The following ITSN2 variants were observed in gnomAD, a reference collection of about 807,000 sequenced individuals.
ITSN2 encodes the protein intersectin-2.
In ITSN2, 156 loss-of-function variants were observed where a neutral mutation model predicts 243.7. That is an observed-to-expected ratio of 0.64 (90% CI 0.56 to 0.73). ITSN2 has a LOEUF of 0.73. Ranked by LOEUF, ITSN2 falls within the 30% of genes least tolerant of loss-of-function variation. The pLI is 0.00. For synonymous variants in ITSN2, 703 were observed against 699.9 expected, an observed-to-expected ratio of 1.00 and a Z score of -0.07; for missense variants, 1,801 against 1,996.1, an observed-to-expected ratio of 0.90 and a Z score of 1.86.
At chr2:24,218,281 C>T (rs1670151534) in intron 30 of ITSN2, among the ~76,000 whole-genome samples, 1 of 152,156 alleles carries the variant, frequency 6.6e-6, no homozygotes, top group Non-Finnish European at 1.5e-5. Flanking sequence ...AGATTTCTCT[C>T]TTAGGGATGT....
chr2:24,282,963 C>T lies in ITSN2; in HGVS notation c.1944+1800G>A, dbSNP rs558689284. 3.0e-4 allele frequency among the ~76,000 whole-genome samples: 45 copies of T among 151,924 alleles called. No individual in the cohort carries two copies. In the Middle Eastern group the frequency reaches 0.017, roughly 57 times the overall value. ...ACAATCTCAATCTTTCTCTCTTTCC[C>T]CCTGCCTCCTCCTTTCTTTTCTCTT... On this transcript the variant is annotated intron_variant, in intron 17 of 39. Coordinates refer to ENST00000355123, the MANE Select transcript of ITSN2 (RefSeq NM_006277.3).
intron 1 of ITSN2, 123 bp from the exon 2 acceptor site, chr2:24,328,238 G>GA: frequency 1.6e-6 from 1 of 635,112 alleles, no homozygotes; most frequent in Non-Finnish European, 2.7e-6. Flanking sequence ...AAACAATGCA[G>GA]AGCTTCTGCT....
rs553371587 is a variant in ITSN2, at chr2:24,329,428, TTTTG to T, written c.-33-1317_-33-1314del. On this transcript the variant is annotated intron_variant, in intron 1 of 39. Transcript: ENST00000355123. ...GCGCACATCACCATGCCCGGCTAAT[TTTTG>T]TTTGTTTGTTTGTTTGTTTTAGTAG... is the stretch of plus-strand genomic sequence containing the variant. Among the ~76,000 whole-genome samples the T allele has an allele frequency of 2.6e-5, 4 of 152,108 alleles. No individual in the cohort carries two copies. In the East Asian group the frequency reaches 5.8e-4, roughly 22 times the overall value.
At chr2:24,333,246 T>A (rs1262724322) in intron 1 of ITSN2, among the ~76,000 whole-genome samples, 6 of 152,194 alleles carry the variant, frequency 3.9e-5, no homozygotes, top group Non-Finnish European at 8.8e-5. Flanking sequence ...GCAGGAGAAC[T>A]TACTGTTAGC....
chr2:24,248,252 G>T (rs1673656296), intron 27 of ITSN2, among the ~76,000 whole-genome samples: 1 of 152,090 alleles, frequency 6.6e-6, no homozygotes, highest in Admixed American at 6.6e-5. Flanking sequence ...CCAATTAGTA[G>T]TATTTTCTCA....
In ITSN2 at chr2:24,209,241, AAC is replaced by A. The variant is rs750899348; in HGVS notation, c.4474-22_4474-21del. Reference sequence around the variant, plus strand: ...AATGGGCTGAAAGAATTAGGGCCAAAACACAGGCTGTGAGATGGGCTAGAACA... The same window carrying A: ...AATGGGCTGAAAGAATTAGGGCCAAAACAGGCTGTGAGATGGGCTAGAACA... On this transcript the variant is annotated intron_variant, in intron 35 of 39. Coordinates refer to ENST00000355123, the MANE Select transcript of ITSN2 (RefSeq NM_006277.3). 2.5e-6 allele frequency: 4 copies of A among 1,613,674 alleles called. No homozygotes were observed. The highest frequency in any genetic ancestry group is 2.2e-5 in the East Asian group (1 of 44,876).
At position 24,328,035 on chromosome 2, in the gene ITSN2, A is replaced by G. The variant is rs1685347991; in HGVS notation, c.31+17T>C. ...AAATCCATAACCTCATCTTGCCACA[A>G]GCACAAAGCTGCTTACCATTCATAG... On this transcript the variant is annotated intron_variant, in intron 2 of 39. Transcript: ENST00000355123. The G allele has an allele frequency of 4.4e-6, 7 of 1,608,128 alleles. No homozygotes were observed. The highest frequency in any genetic ancestry group is 3.4e-6 in the Non-Finnish European group (4 of 1,177,456).
At chr2:24,270,830 A>G in intron 19 of ITSN2, 62 bp from the exon 20 acceptor site, 1 of 858,650 alleles carries the variant, frequency 1.2e-6, no homozygotes, top group Non-Finnish European at 1.9e-6. Context: ...CTATGACTCA[A>G]TAAAGAGCTC....
In ITSN2 at chr2:24,203,533, G is replaced by T; in HGVS notation, c.*93C>A. ...GCATGGCTTTGTGAGGGGTGAAGCT[G>T]CATGGTGCTCCCTCAGCCCCAAGAG... On this transcript the variant is annotated 3_prime_UTR_variant, in exon 40 of 40. Coordinates refer to ENST00000355123, the MANE Select transcript of ITSN2 (RefSeq NM_006277.3). The T allele has an allele frequency of 7.8e-7, 1 of 1,283,950 alleles. No homozygotes were observed. The highest frequency in any genetic ancestry group is 1.1e-6 in the Non-Finnish European group (1 of 940,238). 79.5% of individuals were successfully genotyped at this position (1,283,950 alleles called of 1,614,324 possible).
At chr2:24,343,568 T>C (rs535087563) in intron 1 of ITSN2, among the ~76,000 whole-genome samples, 2 of 152,186 alleles carry the variant, frequency 1.3e-5, no homozygotes, top group South Asian at 2.1e-4. Context: ...TATAGGTCTG[T>C]GGACAGATAT....
chr2:24,349,494 A>G (rs1687845190), intron 1 of ITSN2, among the ~76,000 whole-genome samples: 1 of 152,232 alleles, frequency 6.6e-6, no homozygotes, highest in African/African-American at 2.4e-5. Flanking sequence ...TCACACATCC[A>G]AAGCCAACTG....
chr2:24,300,240 T>G (rs1412607571), intron 11 of ITSN2, 69 bp from the exon 12 acceptor site: 5 of 1,466,556 alleles, frequency 3.4e-6, no homozygotes, highest in African/African-American at 2.8e-5. Context: ...CTAGTTTCTA[T>G]ATACTTATGC....
At chr2:24,303,235 T>C (rs1682021901) in intron 9 of ITSN2, among the ~76,000 whole-genome samples, 1 of 152,146 alleles carries the variant, frequency 6.6e-6, no homozygotes, top group African/African-American at 2.4e-5. Context: ...CAGAAGGCAT[T>C]GTTATCATAG....
chr2:24,209,534 T>TA (rs1383019044), intron 35 of ITSN2, among the ~76,000 whole-genome samples: 1 of 152,194 alleles, frequency 6.6e-6, no homozygotes, highest in Non-Finnish European at 1.5e-5. Context: ...GGGCTCGGCT[T>TA]ACAGAGACCC....
rs552370469 is a variant in ITSN2, at chr2:24,225,224, C to T, written c.3578-4158G>A. Among the ~76,000 whole-genome samples the T allele has an allele frequency of 6.6e-6, 1 of 152,226 alleles. No individual in the cohort carries two copies. The highest frequency in any genetic ancestry group is 2.1e-4 in the South Asian group (1 of 4,822). On this transcript the variant is annotated intron_variant, in intron 29 of 39. Transcript: ENST00000355123. The surrounding 1 kb of genome is among the most constrained non-coding windows in gnomAD (Gnocchi z 4.2). ...TTAGCCCATAAACATTGCTAAGTGT[C>T]CCTCCTATCCCACTGTTTGAAACCA...
At chr2:24,210,758 G>A (rs752796798) in intron 34 of ITSN2, 22 bp downstream of exon 34, 33 of 1,608,188 alleles carry the variant, frequency 2.1e-5, no homozygotes, top group Admixed American at 3.3e-5. Flanking sequence ...GGAGGCGCAC[G>A]GCTTAACCAC....
At chr2:24,232,096 T>C (rs1057204119) in intron 29 of ITSN2, among the ~76,000 whole-genome samples, 1 of 152,222 alleles carries the variant, frequency 6.6e-6, no homozygotes, top group Admixed American at 6.5e-5. Context: ...ACCACAAAGA[T>C]ATTTGTTTTT....
chr2:24,357,984 G>A (rs1186447739), intron 1 of ITSN2, among the ~76,000 whole-genome samples: 3 of 151,984 alleles, frequency 2.0e-5, no homozygotes, highest in East Asian at 1.9e-4. Context: ...GTGCGATCTC[G>A]GTTCACTGCA....
intron 1 of ITSN2, among the ~76,000 whole-genome samples, chr2:24,331,403 G>A (rs1405488406): frequency 6.6e-6 from 1 of 151,422 alleles, no homozygotes. Context: ...TATGTTGTTA[G>A]CACACAGAAC....
Sources: allele counts gnomAD v4.1 joint callset (sites outside exome capture counted in the v4.1 genomes callset), GRCh38; gene constraint gnomAD v4.1.1; non-coding constraint Gnocchi (gnomAD v3.1); transcripts MANE v1.5; gene names NCBI Gene and HGNC (gene_info 2026-07-23, HGNC 2026-07-21).